FSTL4: variants seen among roughly 807,000 people sequenced by gnomAD.
FSTL4 encodes follistatin like 4, also known as follistatin-related protein 4.
In FSTL4, 28 loss-of-function variants were observed where a neutral mutation model predicts 78.2. That is an observed-to-expected ratio of 0.36 (90% confidence interval 0.27 to 0.49). The LOEUF is 0.49. FSTL4 is among the 20% of genes least tolerant of loss of function. The pLI is 0.98. For synonymous variants in FSTL4, 422 were observed against 440.5 expected (o/e 0.96, Z 0.53); for missense variants, 922 against 1,084.9 (o/e 0.85, Z 2.11).
chr5:133,285,262 G>A (rs567634578), intron 6 of FSTL4, among the ~76,000 whole-genome samples: 20 of 152,322 alleles, frequency 1.3e-4, no homozygotes, highest in African/African-American at 4.3e-4. Context: ...GAAGAGAAGC[G>A]AGAAGACAAA....
At chr5:133,720,116 A>T in the FSTL4 span, among the ~76,000 whole-genome samples, 1 of 152,222 alleles carries the variant, frequency 6.6e-6, no homozygotes, top group Non-Finnish European at 1.5e-5. Context: ...CATCTGTTAG[A>T]TCAGAAACTT....
intron 15 of FSTL4, 76 bp downstream of exon 15, chr5:133,201,857 A>G: frequency 1.3e-6 from 1 of 795,696 alleles, no homozygotes; most frequent in Non-Finnish European, 2.1e-6. Context: ...AGCAGGTCCC[A>G]TGCTGGGCAA....
In FSTL4 at chr5:133,225,184, G is replaced by A. The variant is rs1474412718; in HGVS notation, c.1278C>T (p.Ser426=). The change falls in exon 10 of 16, where the codon TCC becomes TCT. Residue 426 remains serine, a synonymous_variant. Coordinates refer to ENST00000265342, the MANE Select transcript of FSTL4 (RefSeq NM_015082.2). This position sits in a 1 kb window ranked among gnomAD's most constrained non-coding sequence, Gnocchi z 4.6. The stretch of plus-strand genomic sequence containing the variant: ...TAGCTGAGTCTTCAATGAAGAGCGA[G>A]GAGATATCTTCATCCACACCCACTT... ...KNEVGVDEDI[S]SLFIEDSARK... is the part of the protein sequence containing the mutation. 3 of 1,614,034 alleles carry A rather than the reference G, an allele frequency of 1.9e-6. No homozygotes were observed. Among genetic ancestry groups the A allele is most frequent in the Non-Finnish European group, 2.5e-6 (3 of 1,179,992 alleles).
chr5:133,455,374 G>C (rs1455985762), intron 3 of FSTL4, among the ~76,000 whole-genome samples: 1 of 152,194 alleles, frequency 6.6e-6, no homozygotes, highest in African/African-American at 2.4e-5. Flanking sequence ...GAACCCATAA[G>C]AATGAATGAG....
chr5:133,741,285 C>T, the FSTL4 span, among the ~76,000 whole-genome samples: 1 of 152,184 alleles, frequency 6.6e-6, no homozygotes, highest in Non-Finnish European at 1.5e-5. Flanking sequence ...GATGAAAGAG[C>T]AAGATGGGTA....
intron 3 of FSTL4, among the ~76,000 whole-genome samples, chr5:133,441,034 A>G (rs958797402): frequency 6.6e-6 from 1 of 152,202 alleles, no homozygotes; most frequent in African/African-American, 2.4e-5. Context: ...CTCTGAAATC[A>G]GACTCTGAGT....
At chr5:133,497,536 C>A (rs1758393245) in intron 3 of FSTL4, among the ~76,000 whole-genome samples, 1 of 152,152 alleles carries the variant, frequency 6.6e-6, no homozygotes, top group Non-Finnish European at 1.5e-5. Flanking sequence ...AGGCTTGTTC[C>A]TTATCCTCAC....
chr5:133,642,250 C>T, the FSTL4 span, among the ~76,000 whole-genome samples: 3 of 152,256 alleles, frequency 2.0e-5, no homozygotes, highest in Admixed American at 2.0e-4. Flanking sequence ...GAAGTGCTAC[C>T]AGCGTTAGTG....
intron 4 of FSTL4, among the ~76,000 whole-genome samples, chr5:133,373,629 C>T (rs1344713217): frequency 6.6e-6 from 1 of 152,170 alleles, no homozygotes; most frequent in Non-Finnish European, 1.5e-5. Flanking sequence ...GGGATGCTGG[C>T]CCCACACTGA....
intron 4 of FSTL4, among the ~76,000 whole-genome samples, chr5:133,391,841 C>T (rs576332237): frequency 6.6e-6 from 1 of 152,350 alleles, no homozygotes; most frequent in East Asian, 1.9e-4. Context: ...CTCTGGCTAA[C>T]TGCCCTCCTG....
chr5:133,738,585 C>T, the FSTL4 span, among the ~76,000 whole-genome samples: 2 of 152,158 alleles, frequency 1.3e-5, no homozygotes, highest in Non-Finnish European at 2.9e-5. Flanking sequence ...TCCTTCTGAC[C>T]CAAAGAACTT....
chr5:133,243,686 G>C (rs547986949), intron 7 of FSTL4: 1 of 152,398 alleles, frequency 6.6e-6, no homozygotes, highest in East Asian at 1.9e-4. Flanking sequence ...ATGGGGCAGG[G>C]GTATGGGATG....
At chr5:133,465,519 G>A (rs931136018) in intron 3 of FSTL4, among the ~76,000 whole-genome samples, 5 of 152,228 alleles carry the variant, frequency 3.3e-5, no homozygotes, top group African/African-American at 9.6e-5. Flanking sequence ...TGGTGGGAGC[G>A]GTGGTTGTTC....
rs142789230 is a variant in FSTL4 at position 133,312,673 on chromosome 5, G to A, written c.708C>T (p.Arg236=). The change falls in exon 6 of 16, where the codon CGC becomes CGT. Residue 236 remains arginine (R), a synonymous_variant. Coordinates refer to ENST00000265342, the MANE Select transcript of FSTL4 (RefSeq NM_015082.2). ...ACTTACGGAAGGCCATGTAGAACTC[G>A]CGGAGGGTCAGGGAGCTGTCACTGT... ...DYNSDSSLTL[R]EFYMAFQVVQ... 1.6e-4 allele frequency: 258 copies of A among 1,614,010 alleles called. No homozygotes were observed. The highest frequency in any genetic ancestry group is 5.2e-4 in the South Asian group (47 of 91,066).
chr5:133,199,697 C>T lies in FSTL4; in HGVS notation c.1927G>A (p.Val643Met), dbSNP rs777877397. Residue 643 changes from valine (V) to methionine (M), a missense_variant, in exon 16 of 16, where the codon GTG becomes ATG. Transcript: ENST00000265342. The surrounding 1 kb of genome is among the most constrained non-coding windows in gnomAD (Gnocchi z 4.4). ...TGGGTGTGTGCCATGGCCTGGGGCA[C>T]GCAGCCATGGTGGTGCAGGCCGATG... Reference protein sequence around the residue: ...KTIGLHHHGCVPQAMAHTHLG... With the variant: ...KTIGLHHHGCMPQAMAHTHLG... 3.0e-5 allele frequency: 49 copies of T among 1,613,466 alleles called. No individual in the cohort carries two copies. Among genetic ancestry groups the T allele is most frequent in the Middle Eastern group, 1.6e-4 (1 of 6,082 alleles).
intron 3 of FSTL4, among the ~76,000 whole-genome samples, chr5:133,563,333 C>T (rs1351596466): frequency 6.6e-5 from 10 of 152,236 alleles, no homozygotes; most frequent in Non-Finnish European, 1.5e-4. Flanking sequence ...AAGGTACAAA[C>T]ACCCTTGGAT....
the FSTL4 span, among the ~76,000 whole-genome samples, chr5:133,802,926 A>T: frequency 6.6e-6 from 1 of 152,192 alleles, no homozygotes; most frequent in Admixed American, 6.5e-5. Context: ...GCGCATATAC[A>T]TAGGTGTGGA....
intron 3 of FSTL4, among the ~76,000 whole-genome samples, chr5:133,514,383 T>C (rs1758810683): frequency 6.6e-6 from 1 of 151,898 alleles, no homozygotes. Flanking sequence ...AGGTGGAAAA[T>C]GCATTTGCAT....
At chr5:133,448,327 C>T (rs889987018) in intron 3 of FSTL4, among the ~76,000 whole-genome samples, 96 of 152,310 alleles carry the variant, frequency 6.3e-4, no homozygotes, top group African/African-American at 2.3e-3. Flanking sequence ...CAGGAGATCA[C>T]CAGGCCCAGC....
Sources: allele counts gnomAD v4.1 joint callset (sites outside exome capture counted in the v4.1 genomes callset), GRCh38; gene constraint gnomAD v4.1.1; non-coding constraint Gnocchi (gnomAD v3.1); transcripts MANE v1.5; gene names NCBI Gene and HGNC (gene_info 2026-07-23, HGNC 2026-07-21).